SHANK2: variants seen among roughly 807,000 people sequenced by gnomAD.
The protein encoded by SHANK2 is SH3 and multiple ankyrin repeat domains 2.
In SHANK2, 43 loss-of-function variants were observed where a neutral mutation model predicts 133.7. The ratio of observed to expected loss-of-function variants is 0.32; its 90% confidence interval spans 0.25 to 0.41. The LOEUF (loss-of-function observed/expected upper bound fraction) is 0.41. Ranked by LOEUF, SHANK2 falls within the 10% of genes least tolerant of loss-of-function variation. The pLI, the probability that SHANK2 is intolerant of heterozygous loss-of-function variation, is 1.00. For synonymous variants in SHANK2, 1,017 were observed against 952.8 expected, an observed-to-expected ratio of 1.07 and a Z score of -1.24; for missense variants, 1,994 against 2,235.8, an observed-to-expected ratio of 0.89 and a Z score of 2.18.
At chr11:70,893,328 C>A (rs558336933) in intron 11 of SHANK2, among the ~76,000 whole-genome samples, 1 of 152,234 alleles carries the variant, frequency 6.6e-6, no homozygotes, top group East Asian at 1.9e-4. Context: ...TGAGACCCTC[C>A]CCACCACATA....
At chr11:70,523,060 A>AAGGAAACCCACAGGCCCG (rs2059350863) in intron 17 of SHANK2, among the ~76,000 whole-genome samples, 1 of 152,174 alleles carries the variant, frequency 6.6e-6, no homozygotes, top group South Asian at 2.1e-4. Context: ...CCACAGGCCC[A>AAGGAAACCCACAGGCCCG]CACCTGCAAT....
intron 11 of SHANK2, among the ~76,000 whole-genome samples, chr11:70,849,239 G>A (rs1380818839): frequency 6.6e-6 from 1 of 152,118 alleles, no homozygotes; most frequent in Non-Finnish European, 1.5e-5. Flanking sequence ...TGAACCCAGG[G>A]ATCTGAGACC....
intron 17 of SHANK2, among the ~76,000 whole-genome samples, chr11:70,542,662 C>T (rs112500190): frequency 0.038 from 5,754 of 152,254 alleles, 361 homozygotes; most frequent in African/African-American, 0.13. Context: ...GGAGCACAAA[C>T]CCAACAGCCC....
At chr11:70,715,082 G>C (rs1945879925) in intron 14 of SHANK2, among the ~76,000 whole-genome samples, 2 of 152,074 alleles carry the variant, frequency 1.3e-5, no homozygotes, top group South Asian at 4.2e-4. Flanking sequence ...TGGGATTACA[G>C]GCATGAGGCA....
At chr11:70,917,889 A>G (rs1470718163) in intron 10 of SHANK2, among the ~76,000 whole-genome samples, 1 of 152,188 alleles carries the variant, frequency 6.6e-6, no homozygotes, top group Non-Finnish European at 1.5e-5. Flanking sequence ...GAGGATCGAG[A>G]AGAACAACTA....
intron 10 of SHANK2, 60 bp from the exon 11 acceptor site, chr11:70,896,627 T>A (rs1158510444): frequency 2.8e-6 from 2 of 705,948 alleles, no homozygotes; most frequent in African/African-American, 3.5e-5. Flanking sequence ...TTTCTGCATA[T>A]ACTATTACAT....
At chr11:71,073,147 C>CTTTCTTTTTT (rs1951166746) in intron 9 of SHANK2, among the ~76,000 whole-genome samples, 4 of 62,716 alleles carry the variant, frequency 6.4e-5, no homozygotes, top group African/African-American at 1.7e-4. Flanking sequence ...TTTTTCTTTT[C>CTTTCTTTTTT]TTTTTTTTCT....
chr11:70,955,532 G>A (rs1490530778), intron 10 of SHANK2, among the ~76,000 whole-genome samples: 5 of 152,014 alleles, frequency 3.3e-5, no homozygotes, highest in Non-Finnish European at 5.9e-5. Flanking sequence ...GTATATATTT[G>A]TGTATGTGTG....
chr11:70,787,114 C>T (rs1173080389), intron 14 of SHANK2, among the ~76,000 whole-genome samples: 9 of 151,542 alleles, frequency 5.9e-5, no homozygotes, highest in African/African-American at 2.2e-4. Context: ...TCACCATGAC[C>T]ACCACCAGCA....
chr11:70,846,609 G>T (rs1352692905), intron 11 of SHANK2, among the ~76,000 whole-genome samples: 14 of 152,246 alleles, frequency 9.2e-5, no homozygotes, highest in African/African-American at 3.4e-4. Context: ...TCAACTGCTG[G>T]TGTCCCAAGC....
chr11:71,187,025 A>G (rs76234873), intron 2 of SHANK2, among the ~76,000 whole-genome samples: 4,643 of 152,360 alleles, frequency 0.03, 104 homozygotes, highest in African/African-American at 0.062. Context: ...AGAAACTTAC[A>G]GAGAAACTAG....
intron 11 of SHANK2, among the ~76,000 whole-genome samples, chr11:70,875,366 A>AC (rs1949542166): frequency 1.5e-5 from 2 of 135,916 alleles, no homozygotes; most frequent in African/African-American, 7.2e-5. Context: ...CTAAAAATAC[A>AC]AAAAAAAAAT....
chr11:70,515,454 C>T (rs2059251585), intron 17 of SHANK2, among the ~76,000 whole-genome samples: 1 of 152,072 alleles, frequency 6.6e-6, no homozygotes, highest in South Asian at 2.1e-4. Context: ...AAGGCCATAT[C>T]TTTTTCTTTT....
chr11:70,598,325 G>A (rs1183649652), intron 17 of SHANK2, among the ~76,000 whole-genome samples: 1 of 152,196 alleles, frequency 6.6e-6, no homozygotes, highest in Non-Finnish European at 1.5e-5. Flanking sequence ...GGGAGCCCTT[G>A]ACTATCTGGG....
intron 11 of SHANK2, chr11:70,863,454 C>A (rs139796727): frequency 4.4e-6 from 2 of 457,728 alleles, no homozygotes; most frequent in African/African-American, 4.0e-5. Flanking sequence ...CTCCTGGCCA[C>A]GGCTATGTGG....
chr11:70,827,787 C>T (rs186235100), intron 11 of SHANK2, among the ~76,000 whole-genome samples: 1 of 151,722 alleles, frequency 6.6e-6, no homozygotes, highest in East Asian at 1.9e-4. Flanking sequence ...AAGTTTAATT[C>T]CATATGGTTG....
At chr11:70,678,380 T>C (rs1387995554) in intron 15 of SHANK2, among the ~76,000 whole-genome samples, 4 of 152,040 alleles carry the variant, frequency 2.6e-5, no homozygotes, top group Non-Finnish European at 5.9e-5. Context: ...GGAATCCTGA[T>C]GCCTCAGCCT....
At chr11:71,237,475 C>T (rs1485855849) in intron 1 of SHANK2, among the ~76,000 whole-genome samples, 2 of 152,192 alleles carry the variant, frequency 1.3e-5, no homozygotes, top group Non-Finnish European at 2.9e-5. Context: ...GTGTTTTACC[C>T]TTTGTCTGGG....
chr11:70,508,874 G>C (rs967027794), intron 17 of SHANK2, among the ~76,000 whole-genome samples: 1 of 152,240 alleles, frequency 6.6e-6, no homozygotes, highest in Admixed American at 6.5e-5. Context: ...GGGCAACAGA[G>C]TGAGACCCTG....
Sources: gnomAD v4.1 joint callset for allele counts (sites outside exome capture counted in the v4.1 genomes callset) on GRCh38, gnomAD v4.1.1 for gene constraint, MANE v1.5 for transcripts, NCBI Gene and HGNC (gene_info 2026-07-23, HGNC 2026-07-21) for gene names.